The following RGS6 variants were observed in gnomAD, a reference collection of about 807,000 sequenced individuals.
RGS6 encodes the protein regulator of G protein signaling 6.
In RGS6, 30 loss-of-function variants were observed where a neutral mutation model predicts 78.5. That is an observed-to-expected ratio of 0.38 (90% CI 0.29 to 0.52). The LOEUF (loss-of-function observed/expected upper bound fraction) is 0.52. Among genes scored for constraint, RGS6 ranks in the 20% least tolerant of loss-of-function variants. RGS6 has a pLI of 0.85. For synonymous variants in RGS6, 206 were observed against 206.0 expected (o/e 1.00, Z 0.00); for missense variants, 495 against 609.7 (o/e 0.81, Z 1.98).
At chr14:71,976,596 C>CT (rs1325730902) in intron 2 of RGS6, among the ~76,000 whole-genome samples, 2 of 152,104 alleles carry the variant, frequency 1.3e-5, no homozygotes, top group African/African-American at 4.8e-5. Context: ...TGAACTCATT[C>CT]TTTTTTATGG....
chr14:71,967,945 G>C (rs2238277), intron 2 of RGS6, among the ~76,000 whole-genome samples: 29,926 of 152,004 alleles, frequency 0.2, 3,046 homozygotes, highest in African/African-American at 0.25. Context: ...TTAACTGTGA[G>C]AAGTTGTACT....
At chr14:72,461,454 T>G (rs557698499) in intron 6 of RGS6, among the ~76,000 whole-genome samples, 1 of 152,344 alleles carries the variant, frequency 6.6e-6, no homozygotes, top group Admixed American at 6.5e-5. Context: ...CAGGCTCTCA[T>G]TAAACAAAAA....
At chr14:72,148,590 G>T (rs1050574352) in intron 2 of RGS6, among the ~76,000 whole-genome samples, 2 of 152,132 alleles carry the variant, frequency 1.3e-5, no homozygotes, top group African/African-American at 4.8e-5. Flanking sequence ...ACCCCTTAAA[G>T]AAAGAGATAT....
intron 1 of RGS6, among the ~76,000 whole-genome samples, chr14:71,935,329 GAGCCACTGTTA>G (rs2088903426): frequency 6.6e-6 from 1 of 152,134 alleles, no homozygotes; most frequent in South Asian, 2.1e-4. Context: ...TAGGGAGAGG[GAGCCACTGTTA>G]ACATATCTTT....
chr14:72,267,951 T>C (rs2059327601), intron 2 of RGS6, among the ~76,000 whole-genome samples: 1 of 152,224 alleles, frequency 6.6e-6, no homozygotes, highest in Non-Finnish European at 1.5e-5. Context: ...ACATACCTAT[T>C]AACACACTCG....
intron 13 of RGS6, among the ~76,000 whole-genome samples, chr14:72,499,944 C>A (rs77286497): frequency 6.6e-6 from 1 of 152,170 alleles, no homozygotes; most frequent in Non-Finnish European, 1.5e-5. Flanking sequence ...CAGCGGGCAC[C>A]GTGTGGGCTG....
rs1039334758 is a variant in RGS6, at chr14:72,472,972, A to G, written c.618+19A>G. On this transcript the variant is annotated intron_variant, in intron 9 of 17. Transcript: ENST00000553525. ...GCCTGTGGTGAGAAAGCGCTACTCA[A>G]TTCTCTAGATTTTTTTTTCTTAATT... 5.2e-6 allele frequency: 8 copies of G among 1,544,598 alleles called. No homozygotes were observed. The highest frequency in any genetic ancestry group is 2.1e-5 in the Admixed American group (1 of 47,502).
intron 2 of RGS6, among the ~76,000 whole-genome samples, chr14:72,170,474 A>G (rs2096997233): frequency 6.6e-6 from 1 of 152,190 alleles, no homozygotes; most frequent in South Asian, 2.1e-4. Context: ...GAAAACTGCC[A>G]TTACTCCAGT....
intron 12 of RGS6, among the ~76,000 whole-genome samples, chr14:72,485,068 G>T (rs1048751823): frequency 6.6e-6 from 1 of 151,758 alleles, no homozygotes; most frequent in African/African-American, 2.4e-5. Context: ...TTTGCTAAAG[G>T]TTCACAGATC....
At chr14:72,403,082 T>A (rs147251560) in intron 3 of RGS6, among the ~76,000 whole-genome samples, 3 of 152,122 alleles carry the variant, frequency 2.0e-5, no homozygotes, top group African/African-American at 7.2e-5. Context: ...AGAGCTACCA[T>A]GCCCAGCCCC....
At chr14:72,433,114 G>A (rs2094726841) in intron 3 of RGS6, among the ~76,000 whole-genome samples, 1 of 152,190 alleles carries the variant, frequency 6.6e-6, no homozygotes, top group Non-Finnish European at 1.5e-5. Context: ...TTGAGACACG[G>A]TCAGAAATGA....
intron 5 of RGS6, among the ~76,000 whole-genome samples, chr14:72,458,801 GC>G (rs1197123505): frequency 3.3e-5 from 5 of 152,152 alleles, no homozygotes; most frequent in Non-Finnish European, 5.9e-5. Flanking sequence ...AGGACCTGGG[GC>G]TTATATCAGA....
intron 15 of RGS6, among the ~76,000 whole-genome samples, chr14:72,527,601 C>T (rs2153478570): frequency 6.6e-6 from 1 of 152,342 alleles, no homozygotes; most frequent in Non-Finnish European, 1.5e-5. Context: ...TCTCTCTCAT[C>T]CCACAAATCA....
intron 2 of RGS6, among the ~76,000 whole-genome samples, chr14:72,321,681 C>T (rs754016262): frequency 7.2e-5 from 11 of 151,816 alleles, no homozygotes; most frequent in Non-Finnish European, 1.5e-4. Flanking sequence ...TCTGTATCAA[C>T]GTAGCCTGAA....
chr14:72,536,155 C>G, intron 15 of RGS6, 31 bp from the exon 16 acceptor site: 3 of 1,527,060 alleles, frequency 2.0e-6, no homozygotes, highest in Non-Finnish European at 9.1e-7. Context: ...GACAGCCCTT[C>G]CTTGTGTCTC....
intron 3 of RGS6, among the ~76,000 whole-genome samples, chr14:72,363,441 C>G (rs886381584): frequency 6.6e-6 from 1 of 152,176 alleles, no homozygotes; most frequent in Non-Finnish European, 1.5e-5. Context: ...TTATCTCTAC[C>G]AAGTAATGGA....
intron 2 of RGS6, among the ~76,000 whole-genome samples, chr14:72,252,209 G>A (rs1349300772): frequency 6.6e-6 from 1 of 151,988 alleles, no homozygotes; most frequent in African/African-American, 2.4e-5. Flanking sequence ...TCATGCGTAT[G>A]CCCGCCATTC....
chr14:72,410,348 T>G (rs1335593817), intron 3 of RGS6, among the ~76,000 whole-genome samples: 1 of 152,262 alleles, frequency 6.6e-6, no homozygotes, highest in East Asian at 1.9e-4. Flanking sequence ...ATGTGTTCTT[T>G]GGCTGCATAA....
At chr14:71,890,052 C>T in the RGS6 span, among the ~76,000 whole-genome samples, 1 of 152,144 alleles carries the variant, frequency 6.6e-6, no homozygotes, top group South Asian at 2.1e-4. Flanking sequence ...GAGGCCCCCC[C>T]AGAAGTGGAT....
Sources: allele counts gnomAD v4.1 joint callset (sites outside exome capture counted in the v4.1 genomes callset), GRCh38; gene constraint gnomAD v4.1.1; transcripts MANE v1.5; gene names NCBI Gene and HGNC (gene_info 2026-07-23, HGNC 2026-07-21).